The following SCMH1 variants were observed in gnomAD, a reference collection of about 807,000 sequenced individuals.
SCMH1 encodes Scm polycomb group protein homolog 1, also known as polycomb protein SCMH1.
SCMH1 carries 37 observed loss-of-function variants against 70.8 expected under a neutral mutation model. The ratio of observed to expected loss-of-function variants is 0.52; its 90% CI spans 0.40 to 0.69. The LOEUF (loss-of-function observed/expected upper bound fraction) is 0.69. SCMH1 is among the 30% of genes least tolerant of loss of function. The pLI, the probability that SCMH1 is intolerant of heterozygous loss-of-function variation, is 0.00. For missense variants in SCMH1, 607 were observed against 827.3 expected (o/e 0.73, Z 3.27); for synonymous variants, 292 against 307.4 (o/e 0.95, Z 0.52).
chr1:41,122,066 G>A (rs1315931465), intron 6 of SCMH1, among the ~76,000 whole-genome samples: 2 of 152,114 alleles, frequency 1.3e-5, no homozygotes, highest in Non-Finnish European at 2.9e-5. Flanking sequence ...CTGGACCTCA[G>A]CCCTCTACTT....
At chr1:41,126,023 C>A (rs75525203) in intron 6 of SCMH1, among the ~76,000 whole-genome samples, 2 of 152,148 alleles carry the variant, frequency 1.3e-5, no homozygotes, top group African/African-American at 2.4e-5. Flanking sequence ...AGGATGCATA[C>A]ATATAAATAT....
At chr1:41,096,226 G>GA (rs1292711922) in intron 8 of SCMH1, among the ~76,000 whole-genome samples, 5 of 152,246 alleles carry the variant, frequency 3.3e-5, no homozygotes, top group Admixed American at 3.3e-4. Context: ...CTGAAAGTTG[G>GA]AAGCAACCTT....
intron 1 of SCMH1, among the ~76,000 whole-genome samples, chr1:41,221,881 A>G (rs1659358980): frequency 7.6e-6 from 1 of 131,136 alleles, no homozygotes; most frequent in South Asian, 2.8e-4. Flanking sequence ...GTGACAGAGC[A>G]AGACTCCGTC....
At chr1:41,124,034 A>G (rs1672567128) in intron 6 of SCMH1, among the ~76,000 whole-genome samples, 1 of 152,132 alleles carries the variant, frequency 6.6e-6, no homozygotes, top group South Asian at 2.1e-4. Flanking sequence ...ACACAAACAT[A>G]TGTACAATTA....
At chr1:41,107,222 A>G (rs1329190388) in intron 8 of SCMH1, among the ~76,000 whole-genome samples, 1 of 151,852 alleles carries the variant, frequency 6.6e-6, no homozygotes, top group Non-Finnish European at 1.5e-5. Context: ...AAGGGAGGTT[A>G]TAGAGATCTC....
chr1:41,027,523 T>A (rs1643950853), exon 15 of SCMH1: 1 of 152,198 alleles, frequency 6.6e-6, no homozygotes, highest in Non-Finnish European at 1.5e-5. Flanking sequence ...GGGATCCTTC[T>A]CCTCCCCATA....
intron 1 of SCMH1, among the ~76,000 whole-genome samples, chr1:41,187,354 C>G (rs914836063): frequency 1.3e-5 from 2 of 150,662 alleles, no homozygotes; most frequent in South Asian, 4.2e-4. Flanking sequence ...CCCGGCTACT[C>G]GAGAGGCTGA....
chr1:41,079,849 A>AT (rs200411954), intron 8 of SCMH1, among the ~76,000 whole-genome samples: 34 of 151,498 alleles, frequency 2.2e-4, no homozygotes, highest in African/African-American at 5.8e-4. Context: ...AATGCTCTAA[A>AT]TTTTTTTTGT....
At chr1:41,152,543 T>TATCA (rs1321998543) in intron 4 of SCMH1, 1 of 1,573,118 alleles carries the variant, frequency 6.4e-7, no homozygotes, top group African/African-American at 1.4e-5. Flanking sequence ...CACTAAAGAT[T>TATCA]ATCAAGTTCT....
intron 5 of SCMH1, among the ~76,000 whole-genome samples, chr1:41,146,985 C>G (rs35071528): frequency 0.072 from 10,876 of 152,048 alleles, 536 homozygotes; most frequent in Middle Eastern, 0.12. Flanking sequence ...CCCACCCCAC[C>G]CAAAGTAGTT....
chr1:41,216,682 A>G (rs529391582), intron 1 of SCMH1, among the ~76,000 whole-genome samples: 1 of 152,342 alleles, frequency 6.6e-6, no homozygotes, highest in Non-Finnish European at 1.5e-5. Flanking sequence ...ACAACTAGAC[A>G]CAAATATGCT....
At chr1:41,219,750 C>T (rs61774689) in intron 1 of SCMH1, among the ~76,000 whole-genome samples, 22,660 of 151,940 alleles carry the variant, frequency 0.15, 2,187 homozygotes, top group Non-Finnish European at 0.21. Flanking sequence ...GCCAACACGG[C>T]GAAACCGTCC....
intron 10 of SCMH1, among the ~76,000 whole-genome samples, chr1:41,062,293 C>T (rs534862619): frequency 2.0e-5 from 3 of 151,992 alleles, no homozygotes; most frequent in African/African-American, 7.2e-5. Flanking sequence ...GAAGAAATAA[C>T]AAGAGAAATT....
rs1645559170 is a variant in SCMH1, at chr1:41,156,486, TG to T, written c.106+4388del. ...GTCTTGCTTTGAGTCAGTGTCAGGC[TG>T]GAGTACAGTGGTGTGAACACAGCTA... On this transcript the variant is annotated intron_variant, in intron 4 of 14. Transcript: ENST00000337495. Among the ~76,000 whole-genome samples the T allele has an allele frequency of 2.6e-5, 4 of 152,322 alleles. No individual in the cohort carries two copies. The South Asian group carries it at 8.3e-4, about 32-fold the overall frequency.
chr1:41,161,460 T>C, intron 2 of SCMH1, 28 bp from the exon 3 acceptor site: 1 of 1,537,034 alleles, frequency 6.5e-7, no homozygotes, highest in East Asian at 2.5e-5. Flanking sequence ...AATAGTCATG[T>C]GGAAAGAAAG....
Position 41,199,139 on chromosome 1 carries a change from T to C in SCMH1, c.-117-12889A>G, listed in dbSNP as rs144410003. ...ATAGCAGAAGAGCATAAACTATGTG[T>C]TAGGCACTTTAAAAATAACTTATTA... On this transcript the variant is annotated intron_variant, in intron 1 of 14. Coordinates refer to ENST00000337495, the Ensembl canonical transcript of SCMH1. Among the ~76,000 whole-genome samples, 37 of 152,308 alleles carry C rather than the reference T, an allele frequency of 2.4e-4. No individual in the cohort carries two copies. In the East Asian group the frequency reaches 6.6e-3, roughly 27 times the overall value.
chr1:41,134,014 C>T (rs1351982149), intron 6 of SCMH1, among the ~76,000 whole-genome samples: 1 of 152,186 alleles, frequency 6.6e-6, no homozygotes, highest in African/African-American at 2.4e-5. Flanking sequence ...CACTGATGAA[C>T]ATTGATGCAA....
chr1:41,057,318 T>G (rs1650744004), intron 10 of SCMH1, among the ~76,000 whole-genome samples: 8 of 152,182 alleles, frequency 5.3e-5, no homozygotes, highest in Admixed American at 5.2e-4. Context: ...CAGGCCGGAG[T>G]GCAGTGGCAT....
intron 1 of SCMH1, among the ~76,000 whole-genome samples, chr1:41,203,811 G>C (rs767977163): frequency 6.6e-6 from 1 of 152,296 alleles, no homozygotes; most frequent in South Asian, 2.1e-4. Context: ...TCCCATAAGG[G>C]ATACTTTTAG....
Sources: gnomAD v4.1 joint callset for allele counts (sites outside exome capture counted in the v4.1 genomes callset) on GRCh38, gnomAD v4.1.1 for gene constraint, MANE v1.5 for transcripts, NCBI Gene and HGNC (gene_info 2026-07-23, HGNC 2026-07-21) for gene names.